The following ECT2L variants were observed in gnomAD, a reference collection of about 807,000 sequenced individuals.
The protein encoded by ECT2L is epithelial cell-transforming sequence 2 oncogene-like.
ECT2L carries 126 observed loss-of-function variants against 122.8 expected under a neutral mutation model. The ratio of observed to expected loss-of-function variants is 1.03; its 90% CI spans 0.89 to 1.19. The LOEUF (loss-of-function observed/expected upper bound fraction) is 1.19. ECT2L is among the 50% of genes most tolerant of loss of function. ECT2L has a pLI of 0.00. For synonymous variants in ECT2L, 385 were observed against 381.8 expected, an observed-to-expected ratio of 1.01 and a Z score of -0.10; for missense variants, 1,012 against 1,064.1, an observed-to-expected ratio of 0.95 and a Z score of 0.68.
intron 20 of ECT2L, among the ~76,000 whole-genome samples, chr6:138,890,881 C>T (rs1297049392): frequency 6.6e-6 from 1 of 152,020 alleles, no homozygotes; most frequent in Admixed American, 6.6e-5. Context: ...TTATTTCATT[C>T]CACACTCTTC....
intron 20 of ECT2L, among the ~76,000 whole-genome samples, chr6:138,897,858 A>C (rs1779268777): frequency 6.6e-6 from 1 of 152,030 alleles, no homozygotes; most frequent in Non-Finnish European, 1.5e-5. Context: ...TCTTTCATTC[A>C]CCTCTAATAT....
intron 4 of ECT2L, among the ~76,000 whole-genome samples, chr6:138,821,263 T>C (rs11155010): frequency 0.36 from 54,881 of 152,130 alleles, 10,128 homozygotes; most frequent in Admixed American, 0.47. Context: ...CCGAACTTGA[T>C]GTGAATAATG....
chr6:138,862,958 T>C (rs1777889784), intron 11 of ECT2L, among the ~76,000 whole-genome samples: 2 of 152,238 alleles, frequency 1.3e-5, no homozygotes, highest in South Asian at 2.1e-4. Flanking sequence ...TCAAAAACTG[T>C]TGAAAACATA....
intron 4 of ECT2L, among the ~76,000 whole-genome samples, chr6:138,837,549 G>T (rs184002198): frequency 4.3e-4 from 66 of 151,786 alleles, no homozygotes; most frequent in African/African-American, 1.5e-3. Context: ...GCATAATATA[G>T]TGTGTTAGGT....
intron 4 of ECT2L, among the ~76,000 whole-genome samples, chr6:138,835,200 T>C (rs1776789484): frequency 6.6e-6 from 1 of 152,224 alleles, no homozygotes; most frequent in African/African-American, 2.4e-5. Flanking sequence ...GTTGCAAGAA[T>C]AGTACAAATA....
chr6:138,853,719 C>G (rs1350624073), intron 9 of ECT2L, among the ~76,000 whole-genome samples: 2 of 152,170 alleles, frequency 1.3e-5, no homozygotes, highest in African/African-American at 4.8e-5. Context: ...TGCAAAATCC[C>G]AGGACTTGCT....
At chr6:138,862,502 G>A (rs1777870141) in intron 10 of ECT2L, 125 bp from the exon 11 acceptor site, 1 of 856,152 alleles carries the variant, frequency 1.2e-6, no homozygotes. Context: ...CTCCTGCCAG[G>A]CCCCACCTCC....
intron 4 of ECT2L, among the ~76,000 whole-genome samples, chr6:138,824,543 A>T (rs1232727766): frequency 0.11 from 5,216 of 46,762 alleles, 366 homozygotes; most frequent in African/African-American, 0.35. Context: ...AAAAGCAATA[A>T]AAAAAAAAAA....
rs1004580101 is a variant in ECT2L at position 138,903,444 on chromosome 6, T to C, written c.*817T>C. 1 of 152,108 alleles carries C rather than the reference T, an allele frequency of 6.6e-6. No individual in the cohort carries two copies. Among genetic ancestry groups the C allele is most frequent in the African/African-American group, 2.4e-5 (1 of 41,428 alleles). 9.4% of individuals were successfully genotyped at this position (152,108 alleles called of 1,614,324 possible). A position where few individuals can be genotyped will look rare whatever the true frequency, so the allele number is the denominator to read the frequency against. On this transcript the variant is annotated 3_prime_UTR_variant, in exon 22 of 22. Coordinates refer to ENST00000541398, the MANE Select transcript of ECT2L (RefSeq NM_001077706.3). ...GTCACACTTATCCTTAGTATGAATG[T>C]ACTCCTCTAGAGAGCATTAAAGATA...
chr6:138,801,549 C>T (rs78398817), intron 1 of ECT2L, among the ~76,000 whole-genome samples: 2 of 152,054 alleles, frequency 1.3e-5, no homozygotes, highest in South Asian at 2.1e-4. Context: ...GTCAGGAGTC[C>T]GAGACCAGTC....
At chr6:138,897,244 T>G in intron 20 of ECT2L, among the ~76,000 whole-genome samples, 1 of 152,128 alleles carries the variant, frequency 6.6e-6, no homozygotes. Context: ...TGCTCCATTA[T>G]GTCAATACTA....
intron 5 of ECT2L, among the ~76,000 whole-genome samples, chr6:138,839,682 G>A (rs982482155): frequency 1.3e-5 from 2 of 152,044 alleles, no homozygotes; most frequent in Non-Finnish European, 2.9e-5. Flanking sequence ...TTATATTTCT[G>A]TAAACACTGA....
chr6:138,901,710 A>C (rs1050410060), intron 21 of ECT2L, among the ~76,000 whole-genome samples: 1 of 152,224 alleles, frequency 6.6e-6, no homozygotes, highest in African/African-American at 2.4e-5. Context: ...TTATTATCCT[A>C]TACTTTACTT....
At chr6:138,900,780 C>T (rs1258481082) in intron 20 of ECT2L, among the ~76,000 whole-genome samples, 168 bp from the exon 21 acceptor site, 5 of 152,026 alleles carry the variant, frequency 3.3e-5, no homozygotes, top group Non-Finnish European at 7.4e-5. Flanking sequence ...ACAGGAGGGG[C>T]GAATCACATC....
chr6:138,822,595 G>A (rs1226626197), intron 4 of ECT2L, among the ~76,000 whole-genome samples: 1 of 152,066 alleles, frequency 6.6e-6, no homozygotes, highest in African/African-American at 2.4e-5. Context: ...AAAAATGGTG[G>A]AGTCTGAAAA....
intron 2 of ECT2L, 60 bp from the exon 3 acceptor site, chr6:138,813,112 A>G (rs903160397): frequency 7.3e-6 from 4 of 544,346 alleles, no homozygotes; most frequent in Non-Finnish European, 1.3e-5. Flanking sequence ...TATATGTTAT[A>G]TGTGAATTTC....
At chr6:138,827,302 C>T (rs1484618789) in intron 4 of ECT2L, among the ~76,000 whole-genome samples, 5 of 151,770 alleles carry the variant, frequency 3.3e-5, no homozygotes, top group African/African-American at 9.7e-5. Flanking sequence ...GAGCTGAGAT[C>T]GTGCCATTGC....
intron 20 of ECT2L, among the ~76,000 whole-genome samples, chr6:138,891,876 G>A (rs1360729566): frequency 1.3e-5 from 2 of 152,126 alleles, no homozygotes; most frequent in African/African-American, 2.4e-5. Context: ...CTGAAATGAC[G>A]AAGACTTTCT....
chr6:138,813,107 G>A, intron 2 of ECT2L, 65 bp from the exon 3 acceptor site: 2 of 540,566 alleles, frequency 3.7e-6, no homozygotes, highest in Non-Finnish European at 3.2e-6. Context: ...CTATCTATAT[G>A]TTATATGTGA....
Sources: gnomAD v4.1 joint callset for allele counts (sites outside exome capture counted in the v4.1 genomes callset) on GRCh38, gnomAD v4.1.1 for gene constraint, MANE v1.5 for transcripts, NCBI Gene and HGNC (gene_info 2026-07-23, HGNC 2026-07-21) for gene names.